KRT26: variants seen among roughly 807,000 people sequenced by gnomAD.
KRT26 encodes the protein keratin, type I cytoskeletal 26.
A neutral mutation model predicts 46.1 loss-of-function variants in KRT26; 45 were observed. The observed-to-expected ratio is 0.98, with a 90% CI of 0.77 to 1.25. The LOEUF (loss-of-function observed/expected upper bound fraction) is 1.25, where lower values mean the gene tolerates loss of function less well. Among genes scored for constraint, KRT26 ranks in the 50% most tolerant of loss-of-function variants. The pLI, the probability that KRT26 is intolerant of heterozygous loss-of-function variation, is 0.00. For synonymous variants in KRT26, 191 were observed against 209.9 expected (o/e 0.91, Z 0.78); for missense variants, 582 against 560.1 (o/e 1.04, Z -0.39).
chr17:40,771,542 T>C, intron 1 of KRT26, 131 bp downstream of exon 1: 2 of 766,908 alleles, frequency 2.6e-6, no homozygotes. Context: ...GGTACTGTGC[T>C]TAGCACTGGA....
At chr17:40,769,081 A>T (rs552488022) in exon 6 of KRT26, 2 of 1,612,518 alleles carry the variant, frequency 1.2e-6, no homozygotes, top group Non-Finnish European at 1.7e-6. Flanking sequence ...GCCAAGGAGC[A>T]TTCATAGGAA....
chr17:40,770,496 A>G (rs2038214637), intron 2 of KRT26, 87 bp from the exon 3 acceptor site: 1 of 1,103,168 alleles, frequency 9.1e-7, no homozygotes, highest in African/African-American at 1.6e-5. Flanking sequence ...GCTGAAAGAT[A>G]TGATGTTCTG....
In KRT26 at chr17:40,766,680, A is replaced by C; in HGVS notation, c.1256-14T>G. On this transcript the variant is annotated splice_polypyrimidine_tract_variant and intron_variant, in intron 7 of 7. Coordinates refer to ENST00000335552, the Ensembl canonical transcript of KRT26. ...CTTCTGTTGAGTCTAAAATAAAATA[A>C]ATAAAACATTAGTGGTCATTTTTTA... 1 of 1,587,752 alleles carries C rather than the reference A, an allele frequency of 6.3e-7. No homozygotes were observed. Among genetic ancestry groups the C allele is most frequent in the Non-Finnish European group, 8.6e-7 (1 of 1,160,634 alleles).
intron 5 of KRT26, 54 bp from the exon 6 acceptor site, chr17:40,769,150 A>G (rs1207205144): frequency 9.0e-7 from 1 of 1,113,240 alleles, no homozygotes. Context: ...TGGCATGGTC[A>G]TCTTATATTA....
At position 40,770,137 on chromosome 17, in the gene KRT26, G is replaced by C. The variant is rs372868800; in HGVS notation, c.682-15C>G. 2.5e-6 allele frequency: 4 copies of C among 1,614,002 alleles called. No homozygotes were observed. The Admixed American group carries it at 5.0e-5, about 20-fold the overall frequency. On this transcript the variant is annotated splice_polypyrimidine_tract_variant and intron_variant, in intron 3 of 7. Coordinates refer to ENST00000335552, the Ensembl canonical transcript of KRT26. ...ACTTCCATTTCCTAGAAAAGGGATC[G>C]GTATTCATCCTCAGTGGAGGATTTT...
chr17:40,770,542 C>T, intron 2 of KRT26, 133 bp from the exon 3 acceptor site: 1 of 634,412 alleles, frequency 1.6e-6, no homozygotes. Flanking sequence ...TGGCAAACTG[C>T]TAAAATGGTT....
exon 2 of KRT26, chr17:40,771,226 G>C (rs116825164): frequency 6.3e-7 from 1 of 1,593,860 alleles, no homozygotes; most frequent in Admixed American, 1.7e-5. Flanking sequence ...GCAGATGGTC[G>C]CAGAAATAAT....
At chr17:40,768,814 A>T in intron 6 of KRT26, 65 bp downstream of exon 6, 1 of 842,202 alleles carries the variant, frequency 1.2e-6, no homozygotes, top group Non-Finnish European at 1.8e-6. Flanking sequence ...ATATTGGCAT[A>T]CCTATACTGT....
chr17:40,766,433 G>A (rs920525847), exon 8 of KRT26: 30 of 1,190,796 alleles, frequency 2.5e-5, no homozygotes, highest in Admixed American at 4.7e-5. Context: ...TTGACCAGTA[G>A]GATTTTTGCA....
chr17:40,767,535 C>T (rs1567672341), intron 7 of KRT26, 51 bp downstream of exon 7: 1 of 1,093,460 alleles, frequency 9.1e-7, no homozygotes, highest in East Asian at 2.5e-5. Context: ...TTAGTTAACA[C>T]AATTGATGGA....
In KRT26 at chr17:40,772,004, G is replaced by A. The variant is rs62621360; in HGVS notation, c.110C>T (p.Ser37Leu). Residue 37 changes from serine to leucine, a missense_variant, in exon 1 of 8, where the codon TCG (serine) becomes TTG (leucine). Coordinates refer to ENST00000335552, the Ensembl canonical transcript of KRT26. ...ACAAGAAAAGCTGCTTCTTGCTCCC[G>A]ATCCAACACACACATTCCCAGCCAC... The A allele has an allele frequency of 2.2e-5, 36 of 1,613,950 alleles. No homozygotes were observed. The highest frequency in any genetic ancestry group is 1.6e-4 in the Middle Eastern group (1 of 6,084).
At chr17:40,768,773 T>A in intron 6 of KRT26, 106 bp downstream of exon 6, 1 of 603,658 alleles carries the variant, frequency 1.7e-6, no homozygotes, top group Non-Finnish European at 2.9e-6. Context: ...TAAATATGTA[T>A]GATCTCCAGA....
intron 6 of KRT26, among the ~76,000 whole-genome samples, chr17:40,768,176 G>A (rs1042701415): frequency 4.6e-5 from 7 of 152,166 alleles, no homozygotes; most frequent in Non-Finnish European, 1.0e-4. Context: ...GGCCTTGGAG[G>A]GTGCAAGACG....
intron 3 of KRT26, 38 bp downstream of exon 3, chr17:40,770,215 T>C (rs374519965): frequency 6.2e-7 from 1 of 1,613,822 alleles, no homozygotes; most frequent in Non-Finnish European, 8.5e-7. Flanking sequence ...AAGAAGGAAA[T>C]TAGAAACTGT....
At chr17:40,769,184 T>A in intron 5 of KRT26, 88 bp from the exon 6 acceptor site, 2 of 805,340 alleles carry the variant, frequency 2.5e-6, no homozygotes, top group Non-Finnish European at 3.9e-6. Context: ...TTTGAGACTG[T>A]GTCTTGCTCT....
chr17:40,768,915 A>G, exon 6 of KRT26: 1 of 1,607,220 alleles, frequency 6.2e-7, no homozygotes, highest in Non-Finnish European at 8.5e-7. Context: ...ATAAATGTCA[A>G]TTTCTTTTTC....
Position 40,769,973 on chromosome 17 carries a change from C to T in KRT26, c.831G>A (p.Trp277Ter), listed in dbSNP as rs1332384578. 6.2e-7 allele frequency: 1 copy of T among 1,614,150 alleles called. No homozygotes were observed. Reference sequence around the variant, plus strand: ...GCCATAGACCTACCCTCTCGTTGAACCAGGCTTCAGCATCTTTGCGGTTCT... The same window carrying T: ...GCCATAGACCTACCCTCTCGTTGAATCAGGCTTCAGCATCTTTGCGGTTCT... Residue 277 changes from tryptophan to a stop codon, truncating the protein, a stop_gained, in exon 4 of 8, where the codon TGG becomes TGA. Transcript: ENST00000335552. LOFTEE classifies it high-confidence loss of function.
At chr17:40,771,820 C>T in exon 1 of KRT26, 3 of 1,614,142 alleles carry the variant, frequency 1.9e-6, no homozygotes, top group Non-Finnish European at 2.5e-6. Context: ...GCACATGGTC[C>T]AGGTAGGATG....
At chr17:40,768,574 T>C (rs2144144348) in intron 6 of KRT26, among the ~76,000 whole-genome samples, 1 of 152,340 alleles carries the variant, frequency 6.6e-6, no homozygotes, top group Admixed American at 6.5e-5. Context: ...TTATAAGAAA[T>C]GTGCTTACAC....
Sources: allele counts gnomAD v4.1 joint callset (sites outside exome capture counted in the v4.1 genomes callset), GRCh38; gene constraint gnomAD v4.1.1; transcripts MANE v1.5; gene names NCBI Gene and HGNC (gene_info 2026-07-23, HGNC 2026-07-21).